AXL: variants seen among roughly 807,000 people sequenced by gnomAD.
AXL encodes tyrosine-protein kinase receptor UFO.
In AXL, 52 loss-of-function variants were observed where a neutral mutation model predicts 104.5. That is an observed-to-expected ratio of 0.50 (90% CI 0.40 to 0.63). The LOEUF (loss-of-function observed/expected upper bound fraction) is 0.63, where lower values mean the gene tolerates loss of function less well. AXL is among the 20% of genes least tolerant of loss of function. The pLI is 0.00. For synonymous variants in AXL, 455 were observed against 473.7 expected, an observed-to-expected ratio of 0.96 and a Z score of 0.51; for missense variants, 1,024 against 1,188.5, an observed-to-expected ratio of 0.86 and a Z score of 2.04.
chr19:41,248,798 G>C lies in AXL; in HGVS notation c.1689G>C (p.Lys563Asn). The C allele has an allele frequency of 2.5e-6, 4 of 1,613,322 alleles. No individual in the cohort carries two copies. In the South Asian group the frequency reaches 3.3e-5, roughly 13 times the overall value. ...GQLNQDDSIL[K>N]VAVKTMKIAI... ...TCAACCAGGACGACTCCATCCTCAA[G>C]GTGGCTGTGAAGACGATGAAGAGTG... The change falls in exon 14 of 20, where the codon AAG (lysine) becomes AAC (asparagine). Residue 563 changes from lysine to asparagine, a missense_variant. Lys to Asn is a moderately conservative substitution (Grantham distance 94, BLOSUM62 0). Transcript: ENST00000301178.
chr19:41,231,272 TA>T lies in AXL; in HGVS notation c.758del (p.Tyr253SerfsTer3). On this transcript the variant is annotated frameshift_variant, in exon 6 of 20. Coordinates refer to ENST00000301178, the MANE Select transcript of AXL (RefSeq NM_021913.5). LOFTEE classifies it high-confidence loss of function. ...VAWTPGLSGI[Y>X]PLTHCTLQAV... The stretch of plus-strand genomic sequence containing the variant: ...TTGGACTCCAGGCCTGAGCGGCATC[TA>T]CCCCCTGACCCACTGCACCCTGCAG... The T allele has an allele frequency of 6.2e-7, 1 of 1,613,730 alleles. No individual in the cohort carries two copies.
chr19:41,238,187 T>C (rs753842554), intron 7 of AXL, 33 bp downstream of exon 7: 1 of 1,605,678 alleles, frequency 6.2e-7, no homozygotes, highest in Admixed American at 1.7e-5. Context: ...ACGTCACCAC[T>C]GCCCCACCGG....
At chr19:41,237,707 G>A (rs1237821896) in intron 6 of AXL, among the ~76,000 whole-genome samples, 1 of 152,312 alleles carries the variant, frequency 6.6e-6, no homozygotes, top group East Asian at 1.9e-4. Context: ...GGCTCAGAGA[G>A]GGAAGAGTCT....
rs2034526942 is a variant in AXL, at chr19:41,260,746, C to T, written c.*842C>T. ...TTTTAGGAGCTAAGGCTCTATGAGT[C>T]TAGATGTTTATTCTTCTAGAGTTCA... On this transcript the variant is annotated 3_prime_UTR_variant, in exon 20 of 20. Transcript: ENST00000301178. 6.6e-6 allele frequency: 1 copy of T among 152,076 alleles called. No individual in the cohort carries two copies. Among genetic ancestry groups the T allele is most frequent in the South Asian group, 2.1e-4 (1 of 4,826 alleles). 9.4% of individuals were successfully genotyped at this position (152,076 alleles called of 1,614,324 possible).
In AXL at chr19:41,231,003, A is replaced by C. The variant is rs370473880; in HGVS notation, c.623A>C (p.His208Pro). 1.9e-6 allele frequency: 3 copies of C among 1,613,948 alleles called. No individual in the cohort carries two copies. The highest frequency in any genetic ancestry group is 2.5e-6 in the Non-Finnish European group (3 of 1,179,920). ...ACATCCTCTTTCTCCTGCGAAGCCC[A>C]TAACGCCAAGGGGGTCACCACATCC... Reference protein sequence around the residue: ...NKTSSFSCEAHNAKGVTTSRT... With the variant: ...NKTSSFSCEAPNAKGVTTSRT... The change falls in exon 5 of 20, where the codon CAT becomes CCT. Residue 208 changes from histidine (H) to proline (P), a missense_variant. This residue lies in a region of AXL where 332 missense variants were observed against 343.9 expected (regional missense o/e 0.97). Transcript: ENST00000301178.
chr19:41,239,547 C>T, intron 9 of AXL, 147 bp from the exon 10 acceptor site: 2 of 1,155,452 alleles, frequency 1.7e-6, no homozygotes, highest in Non-Finnish European at 2.6e-6. Flanking sequence ...GCCACACCCT[C>T]ACTCCCTTAC....
chr19:41,253,983 C>G (rs959735738), intron 17 of AXL, among the ~76,000 whole-genome samples: 1 of 151,818 alleles, frequency 6.6e-6, no homozygotes, highest in African/African-American at 2.4e-5. Flanking sequence ...CTGAGGTGAC[C>G]GATGGGGGTG....
At chr19:41,230,093 GTATC>G (rs1168467539) in intron 4 of AXL, among the ~76,000 whole-genome samples, 6 of 152,066 alleles carry the variant, frequency 3.9e-5, no homozygotes, top group South Asian at 2.1e-4. Context: ...GAGTATGTGA[GTATC>G]TAGGTGTACG....
chr19:41,231,679 C>G (rs892031340), intron 6 of AXL, among the ~76,000 whole-genome samples: 13 of 152,140 alleles, frequency 8.5e-5, no homozygotes, highest in African/African-American at 2.9e-4. Flanking sequence ...GTAATCCCAG[C>G]ACTTTGGGAG....
At chr19:41,241,540 TC>T (rs1216839235) in intron 10 of AXL, among the ~76,000 whole-genome samples, 1 of 99,672 alleles carries the variant, frequency 1.0e-5, no homozygotes, top group African/African-American at 4.4e-5. Flanking sequence ...CAAGACTCTG[TC>T]TCAAAAAAAA....
At chr19:41,259,457 C>CCAGT in intron 19 of AXL, 96 bp from the exon 20 acceptor site, 1 of 1,070,860 alleles carries the variant, frequency 9.3e-7, no homozygotes, top group Non-Finnish European at 1.3e-6. Context: ...TAAAATGCCC[C>CCAGT]CAGTCCCCTG....
intron 15 of AXL, 42 bp downstream of exon 15, chr19:41,252,485 G>T: frequency 6.3e-7 from 1 of 1,594,780 alleles, no homozygotes. Context: ...AGCCCCATGG[G>T]GGCCATAGCA....
chr19:41,239,418 C>T, intron 9 of AXL, 104 bp downstream of exon 9: 3 of 1,469,104 alleles, frequency 2.0e-6, no homozygotes, highest in South Asian at 2.7e-5. Flanking sequence ...GGCCCTGTTC[C>T]TACCCTGAGC....
Position 41,221,173 on chromosome 19 carries a change from G to A in AXL, c.336G>A (p.Thr112=), listed in dbSNP as rs751357344. ...LRITSLQLSD[T]GQYQCLVFLG... ...TCACCTCCCTGCAGCTTTCCGACAC[G>A]GGACAGTACCAGTGTTTGGTGTTTC... Residue 112 remains threonine, a synonymous_variant, in exon 3 of 20, where the codon ACG becomes ACA. Transcript: ENST00000301178. 30 of 1,614,034 alleles carry A rather than the reference G, an allele frequency of 1.9e-5. No individual in the cohort carries two copies. The South Asian group carries it at 3.1e-4, about 17-fold the overall frequency.
Position 41,259,814 on chromosome 19 carries a change from C to T in AXL, c.2595C>T (p.Arg865=), listed in dbSNP as rs754448698. Residue 865 remains arginine (R), a synonymous_variant, in exon 20 of 20, where the codon CGC becomes CGT. Transcript: ENST00000301178. ...LTAAEVHPAG[R]YVLCPSTTPS... ...CGGCTGAGGTCCATCCTGCTGGACGCTATGTCCTCTGCCCTTCCACAACCC... is the reference window on the plus strand; with the variant it reads ...CGGCTGAGGTCCATCCTGCTGGACGTTATGTCCTCTGCCCTTCCACAACCC... 1.4e-5 allele frequency: 23 copies of T among 1,614,100 alleles called. No individual in the cohort carries two copies. The highest frequency in any genetic ancestry group is 1.9e-5 in the Non-Finnish European group (22 of 1,179,998).
intron 4 of AXL, among the ~76,000 whole-genome samples, 185 bp downstream of exon 4, chr19:41,222,241 C>T (rs141721639): frequency 3.9e-5 from 6 of 152,052 alleles, no homozygotes; most frequent in South Asian, 4.2e-4. Context: ...TATTTCTCTC[C>T]GTATGCCTTT....
chr19:41,238,756 A>C, intron 8 of AXL, 147 bp downstream of exon 8: 1 of 1,247,620 alleles, frequency 8.0e-7, no homozygotes, highest in Non-Finnish European at 1.1e-6. Context: ...TCACATTCAC[A>C]TTCTGGGGAG....
intron 4 of AXL, among the ~76,000 whole-genome samples, chr19:41,230,264 G>A (rs111212164): frequency 0.044 from 6,584 of 151,238 alleles, 494 homozygotes; most frequent in African/African-American, 0.15. Flanking sequence ...GTGACTGTGT[G>A]TGAGTCTGTG....
chr19:41,255,398 TTCCC>T lies in AXL; in HGVS notation c.2037-1043_2037-1040del, dbSNP rs749589753. Among the ~76,000 whole-genome samples the T allele has an allele frequency of 3.3e-5, 5 of 151,074 alleles. No individual in the cohort carries two copies. In the South Asian group the frequency reaches 1.1e-3, roughly 32 times the overall value. On this transcript the variant is annotated intron_variant, in intron 17 of 19. Coordinates refer to ENST00000301178, the MANE Select transcript of AXL (RefSeq NM_021913.5). ...TCTCTTTATCTCCTTCCTTCCTTCCTTCCCTCCCTCCCTCTCTCTTTCCCTTTCT... is the reference window on the plus strand; with the variant it reads ...TCTCTTTATCTCCTTCCTTCCTTCCTTCCCTCCCTCTCTCTTTCCCTTTCT...
Sources: gnomAD v4.1 joint callset for allele counts (sites outside exome capture counted in the v4.1 genomes callset) on GRCh38, gnomAD v4.1.1 for gene constraint, gnomAD v4.1.1 regional missense constraint, MANE v1.5 for transcripts, NCBI Gene and HGNC (gene_info 2026-07-23, HGNC 2026-07-21) for gene names.